The following C1orf21 variants were observed in gnomAD, a reference collection of about 807,000 sequenced individuals.
C1orf21 encodes uncharacterized protein C1orf21.
In C1orf21, 3 loss-of-function variants were observed where a neutral mutation model predicts 18.7. That is an observed-to-expected ratio of 0.16 (90% CI 0.07 to 0.42). The LOEUF is 0.42. Ranked by LOEUF, C1orf21 falls within the 10% of genes least tolerant of loss-of-function variation. The pLI is 0.99. For synonymous variants in C1orf21, 41 were observed against 46.4 expected, an observed-to-expected ratio of 0.88 and a Z score of 0.47; for missense variants, 104 against 143.6, an observed-to-expected ratio of 0.72 and a Z score of 1.41.
chr1:184,439,428 G>C (rs565911925), intron 1 of C1orf21, among the ~76,000 whole-genome samples: 39 of 150,598 alleles, frequency 2.6e-4, no homozygotes, highest in African/African-American at 8.6e-4. Context: ...ACTACCCAAG[G>C]GCTATCTATC....
intron 1 of C1orf21, among the ~76,000 whole-genome samples, chr1:184,392,165 GC>G (rs1181409959): frequency 6.6e-6 from 1 of 152,204 alleles, no homozygotes; most frequent in Non-Finnish European, 1.5e-5. Context: ...TTTATAGTGT[GC>G]CTTATGGTTT....
intron 1 of C1orf21, among the ~76,000 whole-genome samples, chr1:184,407,948 T>C (rs1271972983): frequency 6.6e-6 from 1 of 152,210 alleles, no homozygotes; most frequent in Non-Finnish European, 1.5e-5. Context: ...CCATATAAAC[T>C]TCATTGCAGA....
At chr1:184,593,824 G>A (rs111396052) in intron 4 of C1orf21, among the ~76,000 whole-genome samples, 191 of 152,320 alleles carry the variant, frequency 1.3e-3, no homozygotes, top group African/African-American at 4.3e-3. Context: ...GCAGCAATGC[G>A]CAATATTGAA....
chr1:184,409,407 G>A (rs892337283), intron 1 of C1orf21, among the ~76,000 whole-genome samples: 1 of 152,130 alleles, frequency 6.6e-6, no homozygotes, highest in African/African-American at 2.4e-5. Context: ...TAGGGGGATG[G>A]GAAGATTGCA....
At chr1:184,557,343 C>T (rs1658893542) in intron 3 of C1orf21, among the ~76,000 whole-genome samples, 3 of 152,036 alleles carry the variant, frequency 2.0e-5, no homozygotes, top group Admixed American at 1.3e-4. Flanking sequence ...TTTTGGTGCA[C>T]CCATCACCCG....
At chr1:184,544,233 A>G (rs1324582764) in intron 3 of C1orf21, among the ~76,000 whole-genome samples, 1 of 152,216 alleles carries the variant, frequency 6.6e-6, no homozygotes. Flanking sequence ...TATTTCTTTT[A>G]TAAAATTAAT....
At chr1:184,483,985 G>A (rs935228753) in intron 2 of C1orf21, among the ~76,000 whole-genome samples, 22 of 151,940 alleles carry the variant, frequency 1.4e-4, no homozygotes, top group African/African-American at 4.6e-4. Flanking sequence ...GTGCAGTGGC[G>A]TGATCTCAGC....
At chr1:184,537,582 A>G (rs764375941) in intron 3 of C1orf21, among the ~76,000 whole-genome samples, 2 of 152,112 alleles carry the variant, frequency 1.3e-5, no homozygotes. Context: ...TGTTTTAGCT[A>G]TTGTGAATAA....
chr1:184,604,698 T>C (rs1659626757), intron 5 of C1orf21, among the ~76,000 whole-genome samples: 2 of 152,210 alleles, frequency 1.3e-5, no homozygotes, highest in African/African-American at 4.8e-5. Context: ...TTAATTGTCA[T>C]GATGATGACA....
At position 184,625,710 on chromosome 1, in the gene C1orf21, C is replaced by T. The variant is rs1659997348; in HGVS notation, c.*6154C>T. 1 of 152,390 alleles carries T rather than the reference C, an allele frequency of 6.6e-6. No individual in the cohort carries two copies. Among genetic ancestry groups the T allele is most frequent in the Non-Finnish European group, 1.5e-5 (1 of 68,028 alleles). 9.4% of individuals were successfully genotyped at this position (152,390 alleles called of 1,614,324 possible). The stretch of plus-strand genomic sequence containing the variant: ...ATAGGGATACCGAAACAGGAAAAAC[C>T]AGCCATCACTCTTGAGAAAGTTTGA... On this transcript the variant is annotated 3_prime_UTR_variant, in exon 6 of 6. Coordinates refer to ENST00000235307, the MANE Select transcript of C1orf21 (RefSeq NM_030806.4).
In C1orf21 at chr1:184,608,365, C is replaced by T. The variant is rs556550785; in HGVS notation, c.327+9904C>T. On this transcript the variant is annotated intron_variant, in intron 5 of 5. Coordinates refer to ENST00000235307, the MANE Select transcript of C1orf21 (RefSeq NM_030806.4). ...GCTTTGCTACACCTTCCCCTGGGTC[C>T]CAACATGTGGATTTGGGTGGAAGAA... Among the ~76,000 whole-genome samples, 139 of 152,266 alleles carry T rather than the reference C, an allele frequency of 9.1e-4. 2 individuals carry two copies. Among genetic ancestry groups the T allele is most frequent in the African/African-American group, 3.1e-3 (129 of 41,544 alleles).
At chr1:184,427,400 A>G (rs1311291814) in intron 1 of C1orf21, among the ~76,000 whole-genome samples, 3 of 152,108 alleles carry the variant, frequency 2.0e-5, no homozygotes, top group African/African-American at 7.2e-5. Flanking sequence ...TTTCTCAGAG[A>G]GGCTTGGAGG....
chr1:184,438,146 G>GA (rs148407064), intron 1 of C1orf21, among the ~76,000 whole-genome samples: 2,453 of 150,318 alleles, frequency 0.016, 33 homozygotes, highest in Non-Finnish European at 0.025. Flanking sequence ...CCTAGTGAAA[G>GA]AAAAAAAAAG....
intron 3 of C1orf21, chr1:184,540,175 G>A (rs1377281972): frequency 6.6e-6 from 1 of 152,194 alleles, no homozygotes; most frequent in Non-Finnish European, 1.5e-5. Context: ...ATAAATGCCA[G>A]AGAAATCCAG....
Position 184,579,487 on chromosome 1 carries a change from A to G in C1orf21, c.190-11252A>G, listed in dbSNP as rs1225886136. ...AATCTCCCACCTCAGCATCCCATCAAGATTTTCTTTTTTTTTTTTTTTTTC... is the reference window on the plus strand; with the variant it reads ...AATCTCCCACCTCAGCATCCCATCAGGATTTTCTTTTTTTTTTTTTTTTTC... On this transcript the variant is annotated intron_variant, in intron 3 of 5. Transcript: ENST00000235307. Among the ~76,000 whole-genome samples the G allele has an allele frequency of 2.4e-5, 3 of 123,596 alleles. No individual in the cohort carries two copies. In the East Asian group the frequency reaches 7.2e-4, roughly 30 times the overall value. 81.1% of individuals were successfully genotyped at this position (123,596 alleles called of 152,430 possible). A position where few individuals can be genotyped will look rare whatever the true frequency, so the allele number is the denominator to read the frequency against.
chr1:184,409,248 T>G (rs1656296067), intron 1 of C1orf21, among the ~76,000 whole-genome samples: 1 of 152,160 alleles, frequency 6.6e-6, no homozygotes, highest in African/African-American at 2.4e-5. Flanking sequence ...AAATCTGCTG[T>G]TTGTATTTGT....
chr1:184,397,393 T>C (rs770588698), intron 1 of C1orf21, among the ~76,000 whole-genome samples: 7 of 152,284 alleles, frequency 4.6e-5, no homozygotes, highest in Non-Finnish European at 1.0e-4. Flanking sequence ...AAGACCATCC[T>C]GGCTAACACG....
At chr1:184,449,399 A>G (rs567643130) in intron 1 of C1orf21, among the ~76,000 whole-genome samples, 2 of 152,294 alleles carry the variant, frequency 1.3e-5, no homozygotes, top group South Asian at 4.1e-4. Context: ...TTATGGCTGC[A>G]TAGTATTCCA....
intron 3 of C1orf21, among the ~76,000 whole-genome samples, chr1:184,537,404 A>ATGGCT (rs1444682977): frequency 1.3e-5 from 2 of 152,208 alleles, no homozygotes; most frequent in African/African-American, 4.8e-5. Flanking sequence ...CATTTTGAGA[A>ATGGCT]TGGCTTGTTT....
Sources: allele counts gnomAD v4.1 joint callset (sites outside exome capture counted in the v4.1 genomes callset), GRCh38; gene constraint gnomAD v4.1.1; transcripts MANE v1.5; gene names NCBI Gene and HGNC (gene_info 2026-07-23, HGNC 2026-07-21).